The following PCDH19 variants were observed in gnomAD, a reference collection of about 807,000 sequenced individuals.
PCDH19 encodes the protein protocadherin-19.
In PCDH19, 6 loss-of-function variants were observed where a neutral mutation model predicts 46.2. That is an observed-to-expected ratio of 0.13 (90% CI 0.07 to 0.26). The LOEUF is 0.26. PCDH19 is among the 10% of genes least tolerant of loss of function. PCDH19 has a pLI of 1.00. For missense variants in PCDH19, 740 were observed against 972.3 expected (o/e 0.76, Z 3.18); for synonymous variants, 481 against 415.7 (o/e 1.16, Z -1.91).
intron 3 of PCDH19, among the ~76,000 whole-genome samples, chrX:100,363,306 A>G (rs1321038925): frequency 6.8e-4 from 70 of 102,822 alleles, no homozygotes; most frequent in Non-Finnish European, 1.2e-3. Flanking sequence ...CTCCATCTCA[A>G]AAAAAAAAAA....
At chrX:100,362,843 T>C (rs1381203629) in intron 3 of PCDH19, among the ~76,000 whole-genome samples, 1 of 107,874 alleles carries the variant, frequency 9.3e-6, no homozygotes, top group Non-Finnish European at 1.9e-5. Context: ...TGCAGATGGT[T>C]ATAAGCTTCA....
chrX:100,402,537 A>C lies in PCDH19; in HGVS notation c.2603T>G (p.Val868Gly), dbSNP rs1456190933. The change falls in exon 3 of 6, where the codon GTG becomes GGG. Residue 868 changes from valine (V) to glycine (G), a missense_variant. This residue lies in a region of PCDH19 where 416 missense variants were observed against 476.8 expected (regional missense o/e 0.87). Coordinates refer to ENST00000373034, the MANE Select transcript of PCDH19 (RefSeq NM_001184880.2). The stretch of plus-strand genomic sequence containing the variant: ...AGCTGCACTCACCTCAGGCAGAGGC[A>C]CACCGTTGATAATCAGGTCAGGCTG... Reference protein sequence around the residue: ...PQQPDLIINGVPLPETENYSF... With the variant: ...PQQPDLIINGGPLPETENYSF... The C allele has an allele frequency of 8.3e-7, 1 of 1,210,998 alleles. No homozygotes were observed.
chrX:100,304,155 C>T (rs1477529146), intron 5 of PCDH19, among the ~76,000 whole-genome samples: 1 of 112,075 alleles, frequency 8.9e-6, no homozygotes, highest in Admixed American at 9.4e-5. Context: ...CAAGGACCCT[C>T]ACAGAGTCCA....
intron 5 of PCDH19, among the ~76,000 whole-genome samples, chrX:100,339,372 C>A (rs1363823587): frequency 8.9e-6 from 1 of 111,756 alleles, no homozygotes; most frequent in African/African-American, 3.3e-5. Context: ...TCCCTTCTCA[C>A]CTTTCTAAAT....
At chrX:100,334,534 T>C (rs1203516454) in intron 5 of PCDH19, among the ~76,000 whole-genome samples, 1 of 111,272 alleles carries the variant, frequency 9.0e-6, no homozygotes, top group Non-Finnish European at 1.9e-5. Context: ...TAATGGGATA[T>C]CCACATCATC....
At chrX:100,338,437 G>A (rs1460571762) in intron 5 of PCDH19, among the ~76,000 whole-genome samples, 1 of 104,111 alleles carries the variant, frequency 9.6e-6, no homozygotes, top group Non-Finnish European at 2.0e-5. Context: ...CAGGAGAATC[G>A]CTTGAACCCA....
chrX:100,316,102 G>A (rs1384685796), intron 5 of PCDH19, among the ~76,000 whole-genome samples: 1 of 111,624 alleles, frequency 9.0e-6, no homozygotes, highest in Non-Finnish European at 1.9e-5. Flanking sequence ...ATCCAATATT[G>A]CATCAACAGT....
In PCDH19 at chrX:100,293,660, G is replaced by A. The variant is rs1417185222; in HGVS notation, c.*2617C>T. 9.0e-6 allele frequency: 1 copy of A among 111,336 alleles called. No homozygotes were observed. Among genetic ancestry groups the A allele is most frequent in the Non-Finnish European group, 1.9e-5 (1 of 53,088 alleles). 9.2% of individuals were successfully genotyped at this position (111,336 alleles called of 1,213,427 possible). On this transcript the variant is annotated 3_prime_UTR_variant, in exon 6 of 6. Coordinates refer to ENST00000373034, the MANE Select transcript of PCDH19 (RefSeq NM_001184880.2). ...GGACTCATACATCAGACAATTGTGGGGAAAAATATTTCCTTAATGAGAGGA... is the reference window on the plus strand; with the variant it reads ...GGACTCATACATCAGACAATTGTGGAGAAAAATATTTCCTTAATGAGAGGA...
intron 5 of PCDH19, among the ~76,000 whole-genome samples, chrX:100,324,904 T>G (rs1237857914): frequency 1.8e-5 from 2 of 111,025 alleles, no homozygotes; most frequent in Admixed American, 1.9e-4. Context: ...ACTACCAGTA[T>G]CCTCCATTCT....
intron 3 of PCDH19, among the ~76,000 whole-genome samples, chrX:100,359,293 GAA>G (rs1926806582): frequency 9.0e-6 from 1 of 111,639 alleles, no homozygotes; most frequent in South Asian, 3.7e-4. Context: ...TAATTCCAAT[GAA>G]AGAGTCAGGG....
intron 3 of PCDH19, among the ~76,000 whole-genome samples, chrX:100,392,800 T>C (rs1927899098): frequency 1.8e-5 from 2 of 111,751 alleles, no homozygotes; most frequent in Admixed American, 9.5e-5. Context: ...CTCAAGCATG[T>C]CAAGTTTCAA....
At chrX:100,305,761 G>A (rs775106314) in intron 5 of PCDH19, among the ~76,000 whole-genome samples, 51 of 111,620 alleles carry the variant, frequency 4.6e-4, no homozygotes, top group Middle Eastern at 4.6e-3. Flanking sequence ...AAAGCGAGCA[G>A]GAATAGCTAT....
intron 5 of PCDH19, among the ~76,000 whole-genome samples, chrX:100,326,395 G>C (rs1206179056): frequency 8.9e-6 from 1 of 112,015 alleles, no homozygotes; most frequent in African/African-American, 3.2e-5. Context: ...GGCTTTTTTA[G>C]AAAATAAACT....
Position 100,406,762 on chromosome X carries a change from G to A in PCDH19, c.1836C>T (p.Arg612=), listed in dbSNP as rs756311067. Residue 612 remains arginine, a synonymous_variant, in exon 1 of 6, where the codon CGC becomes CGT. Transcript: ENST00000373034. ...RVTYDMTEGD[R]GFFEIDQVNG... Reference sequence around the variant, plus strand: ...TGACCTGGTCTATTTCAAAGAAGCCGCGGTCGCCCTCGGTCATGTCGTAGG... The same window carrying A: ...TGACCTGGTCTATTTCAAAGAAGCCACGGTCGCCCTCGGTCATGTCGTAGG... 44 of 1,210,140 alleles carry A rather than the reference G, an allele frequency of 3.6e-5. No homozygotes were observed. In the South Asian group the frequency reaches 7.0e-4, roughly 19 times the overall value.
In PCDH19 at chrX:100,293,642, T is replaced by C. The variant is rs1924497990; in HGVS notation, c.*2635A>G. On this transcript the variant is annotated 3_prime_UTR_variant, in exon 6 of 6. Coordinates refer to ENST00000373034, the MANE Select transcript of PCDH19 (RefSeq NM_001184880.2). Reference sequence around the variant, plus strand: ...GCACTTGTGCTTCTGAGAGGACTCATACATCAGACAATTGTGGGGAAAAAT... The same window carrying C: ...GCACTTGTGCTTCTGAGAGGACTCACACATCAGACAATTGTGGGGAAAAAT... 1 of 111,466 alleles carries C rather than the reference T, an allele frequency of 9.0e-6. No individual in the cohort carries two copies. The highest frequency in any genetic ancestry group is 1.9e-5 in the Non-Finnish European group (1 of 53,136). 9.2% of individuals were successfully genotyped at this position (111,466 alleles called of 1,213,427 possible). A position where few individuals can be genotyped will look rare whatever the true frequency, so the allele number is the denominator to read the frequency against.
intron 5 of PCDH19, among the ~76,000 whole-genome samples, chrX:100,319,672 T>C (rs367875638): frequency 1.8e-5 from 2 of 111,927 alleles, no homozygotes; most frequent in East Asian, 5.7e-4. Context: ...TAAAAGACAC[T>C]AAAGGCAAAT....
chrX:100,403,072 C>A (rs369704965), intron 2 of PCDH19, among the ~76,000 whole-genome samples: 1 of 110,999 alleles, frequency 9.0e-6, no homozygotes, highest in Non-Finnish European at 1.9e-5. Context: ...ACCAACCCCC[C>A]CTAAAAAAGT....
chrX:100,394,569 C>A (rs1295759314), intron 3 of PCDH19, among the ~76,000 whole-genome samples: 1 of 111,756 alleles, frequency 8.9e-6, no homozygotes, highest in African/African-American at 3.3e-5. Context: ...TGATGGGCTT[C>A]TGTTCTTTGA....
In PCDH19 at chrX:100,410,047, G is replaced by T. The variant is rs889028593; in HGVS notation, c.-1450C>A. ...AGCAAGCAGGAGGCAATGGGTTTGG[G>T]GTAGGAGGTTTAGGATTTCGGATGA... On this transcript the variant is annotated 5_prime_UTR_variant, in exon 1 of 6. Transcript: ENST00000373034. 2.0e-5 allele frequency: 6 copies of T among 295,134 alleles called. No homozygotes were observed. Among genetic ancestry groups the T allele is most frequent in the Non-Finnish European group, 2.9e-5 (5 of 170,318 alleles). The allele number at this position is 295,134 out of a possible 1,213,427, so 24.3% of individuals were successfully genotyped here. A position where few individuals can be genotyped will look rare whatever the true frequency, so the allele number is the denominator to read the frequency against.
Sources: gnomAD v4.1 joint callset for allele counts (sites outside exome capture counted in the v4.1 genomes callset) on GRCh38, gnomAD v4.1.1 for gene constraint, gnomAD v4.1.1 regional missense constraint, MANE v1.5 for transcripts, NCBI Gene and HGNC (gene_info 2026-07-23, HGNC 2026-07-21) for gene names.